Variants in USPL1 observed in about 807,000 individuals in gnomAD.
The protein encoded by USPL1 is ubiquitin specific peptidase like 1, also known as SUMO-specific isopeptidase USPL1.
A neutral mutation model predicts 51.5 loss-of-function variants in USPL1; 27 were observed. That is an observed-to-expected ratio of 0.52 (90% CI 0.39 to 0.72). The LOEUF (loss-of-function observed/expected upper bound fraction) is 0.72, where lower values mean the gene tolerates loss of function less well. Ranked by LOEUF, USPL1 falls within the 30% of genes least tolerant of loss-of-function variation. The pLI is 0.00. For synonymous variants in USPL1, 451 were observed against 459.6 expected, an observed-to-expected ratio of 0.98 and a Z score of 0.24; for missense variants, 1,226 against 1,268.0, an observed-to-expected ratio of 0.97 and a Z score of 0.50.
In USPL1 at chr13:30,635,356, T is replaced by C. The variant is rs534840449; in HGVS notation, c.869-2388T>C. ...TGTGTGGTATGAGGTAAGGATCCAT[T>C]TTTTTCCCATTTGCATAGCCAGTTT... On this transcript the variant is annotated intron_variant, in intron 4 of 8. Coordinates refer to ENST00000255304, the MANE Select transcript of USPL1 (RefSeq NM_005800.5). 5.3e-5 allele frequency among the ~76,000 whole-genome samples: 8 copies of C among 152,314 alleles called. No homozygotes were observed. In the East Asian group the frequency reaches 1.3e-3, roughly 26 times the overall value.
intron 7 of USPL1, among the ~76,000 whole-genome samples, chr13:30,651,502 G>A (rs573180014): frequency 3.9e-5 from 6 of 152,290 alleles, no homozygotes; most frequent in South Asian, 2.1e-4. Flanking sequence ...TTTTACATGC[G>A]TTATTTATCA....
intron 1 of USPL1, among the ~76,000 whole-genome samples, chr13:30,619,277 T>C (rs751753959): frequency 2.0e-5 from 3 of 152,190 alleles, no homozygotes; most frequent in Non-Finnish European, 2.9e-5. Flanking sequence ...GTCCCTCATA[T>C]GGACAAATAA....
Position 30,659,428 on chromosome 13 carries a change from G to T in USPL1, c.*72G>T. The stretch of plus-strand genomic sequence containing the variant: ...AGAACTTACAATGTGTTCAGGTAGT[G>T]TTTATACACTGGACTTGTGTAATTA... On this transcript the variant is annotated 3_prime_UTR_variant, in exon 9 of 9. Coordinates refer to ENST00000255304, the MANE Select transcript of USPL1 (RefSeq NM_005800.5). 1 of 1,293,168 alleles carries T rather than the reference G, an allele frequency of 7.7e-7. No individual in the cohort carries two copies. 80.1% of individuals were successfully genotyped at this position (1,293,168 alleles called of 1,614,324 possible).
At chr13:30,625,236 A>G (rs541804923) in intron 3 of USPL1, among the ~76,000 whole-genome samples, 2 of 152,270 alleles carry the variant, frequency 1.3e-5, no homozygotes, top group South Asian at 4.1e-4. Context: ...GGTTGGAAAG[A>G]GGAATCAAGG....
intron 6 of USPL1, 84 bp downstream of exon 6, chr13:30,642,841 A>T: frequency 6.7e-7 from 1 of 1,493,978 alleles, no homozygotes; most frequent in East Asian, 2.3e-5. Context: ...ACCAGACACT[A>T]CAGTTTGCTT....
chr13:30,634,818 T>C (rs1176540671), intron 4 of USPL1, among the ~76,000 whole-genome samples: 1 of 152,242 alleles, frequency 6.6e-6, no homozygotes, highest in African/African-American at 2.4e-5. Context: ...ATAGTGTATA[T>C]AAGAGGTCTT....
At chr13:30,621,365 G>A in intron 2 of USPL1, 126 bp downstream of exon 2, 4 of 659,706 alleles carry the variant, frequency 6.1e-6, no homozygotes, top group Non-Finnish European at 1.0e-5. Flanking sequence ...AAATCTTACA[G>A]TAATGGCGAA....
chr13:30,652,998 A>G, intron 7 of USPL1, 150 bp from the exon 8 acceptor site: 1 of 666,186 alleles, frequency 1.5e-6, no homozygotes, highest in Non-Finnish European at 2.5e-6. Context: ...TCCATTTCTA[A>G]TTAAGGCACA....
At position 30,631,207 on chromosome 13, in the gene USPL1, C is replaced by G. The variant is rs1419361202; in HGVS notation, c.601C>G (p.Pro201Ala). 3 of 1,614,132 alleles carry G rather than the reference C, an allele frequency of 1.9e-6. No homozygotes were observed. In the Admixed American group the frequency reaches 5.0e-5, roughly 27 times the overall value. Residue 201 changes from proline to alanine, a missense_variant, in exon 4 of 9, where the codon CCT becomes GCT. Physicochemically the swap from Pro to Ala is conservative, Grantham distance 27. Coordinates refer to ENST00000255304, the MANE Select transcript of USPL1 (RefSeq NM_005800.5). Reference protein sequence around the residue: ...VDVSGTGRPSPQNEGCTSKLE... With the variant: ...VDVSGTGRPSAQNEGCTSKLE... ...TGTCTCTGGAACTGGCAGACCTTCC[C>G]CTCAAAATGAAGGATGTACATCTAA...
At chr13:30,647,346 C>G (rs1951031646) in intron 7 of USPL1, among the ~76,000 whole-genome samples, 1 of 152,072 alleles carries the variant, frequency 6.6e-6, no homozygotes, top group Non-Finnish European at 1.5e-5. Context: ...GTTTTTCTCT[C>G]CTCTGCCAAG....
At chr13:30,641,959 T>C (rs1950953445) in intron 5 of USPL1, among the ~76,000 whole-genome samples, 1 of 152,072 alleles carries the variant, frequency 6.6e-6, no homozygotes, top group African/African-American at 2.4e-5. Flanking sequence ...CAGGCTGGTA[T>C]GCAGCGGCAT....
At chr13:30,643,597 T>TCCCCCCCCCCC (rs201886838) in intron 6 of USPL1, among the ~76,000 whole-genome samples, 1 of 86,972 alleles carries the variant, frequency 1.1e-5, no homozygotes, top group Admixed American at 1.0e-4. Context: ...AATAACTCTT[T>TCCCCCCCCCCC]CCACCCCCCC....
chr13:30,637,903 T>G, intron 5 of USPL1, 46 bp downstream of exon 5: 1 of 1,303,274 alleles, frequency 7.7e-7, no homozygotes, highest in South Asian at 1.2e-5. Flanking sequence ...ATCTACCATA[T>G]AGAAATATGT....
chr13:30,658,011 T>C lies in USPL1; in HGVS notation c.1934T>C (p.Ile645Thr), dbSNP rs1314444331. ...SVSAPCNEKLIQDQFVDISFP... is the reference protein window; with the variant it reads ...SVSAPCNEKLTQDQFVDISFP... Reference sequence around the variant, plus strand: ...TCAGCTCCATGTAATGAAAAGCTTATTCAAGACCAATTTGTGGACATAAGT... The same window carrying C: ...TCAGCTCCATGTAATGAAAAGCTTACTCAAGACCAATTTGTGGACATAAGT... Residue 645 changes from isoleucine to threonine, a missense_variant, in exon 9 of 9, where the codon ATT becomes ACT. By Grantham distance (89) the Ile-to-Thr change is moderately conservative. Transcript: ENST00000255304. The C allele has an allele frequency of 6.2e-7, 1 of 1,613,464 alleles. No individual in the cohort carries two copies. The highest frequency in any genetic ancestry group is 8.5e-7 in the Non-Finnish European group (1 of 1,179,982).
intron 6 of USPL1, among the ~76,000 whole-genome samples, chr13:30,643,300 A>G (rs1057282540): frequency 3.9e-5 from 6 of 152,184 alleles, no homozygotes; most frequent in African/African-American, 1.4e-4. Flanking sequence ...GGCTTTGCAT[A>G]AGGTGTATAT....
Position 30,660,079 on chromosome 13 carries a change from C to T in USPL1, c.*723C>T, listed in dbSNP as rs1220436274. On this transcript the variant is annotated 3_prime_UTR_variant, in exon 9 of 9. Transcript: ENST00000255304. ...TCTATCCATAGGCAGGTTGTTCTGC[C>T]GTCTCTACAGGTCTCTGAAGCTCTT... The T allele has an allele frequency of 3.3e-5, 5 of 152,244 alleles. No individual in the cohort carries two copies. Among genetic ancestry groups the T allele is most frequent in the Admixed American group, 6.5e-5 (1 of 15,282 alleles). 9.4% of individuals were successfully genotyped at this position (152,244 alleles called of 1,614,324 possible).
chr13:30,619,879 A>ACC (rs1202884982), intron 1 of USPL1, among the ~76,000 whole-genome samples: 1 of 152,152 alleles, frequency 6.6e-6, no homozygotes, highest in Non-Finnish European at 1.5e-5. Context: ...GATTTTGCTT[A>ACC]CCAGGGGACA....
intron 3 of USPL1, among the ~76,000 whole-genome samples, chr13:30,622,826 T>C (rs1035499183): frequency 7.2e-5 from 11 of 152,192 alleles, no homozygotes; most frequent in African/African-American, 1.7e-4. Context: ...TAGATACTTA[T>C]GCTGGGTATA....
rs1566062433 is a variant in USPL1, at chr13:30,658,291, A to G, written c.2214A>G (p.Thr738=). ...CTACAGCAGATTCTCAAACCACAAC[A>G]TCTAAGTCATTACAGAATCAGTCTC... ...KETTADSQTT[T]SKSLQNQSLK... Residue 738 remains threonine (T), a synonymous_variant, in exon 9 of 9, where the codon ACA becomes ACG. Coordinates refer to ENST00000255304, the MANE Select transcript of USPL1 (RefSeq NM_005800.5). The G allele has an allele frequency of 6.2e-7, 1 of 1,613,866 alleles. No homozygotes were observed. Among genetic ancestry groups the G allele is most frequent in the Non-Finnish European group, 8.5e-7 (1 of 1,180,026 alleles).
Sources: gnomAD v4.1 joint callset for allele counts (sites outside exome capture counted in the v4.1 genomes callset) on GRCh38, gnomAD v4.1.1 for gene constraint, MANE v1.5 for transcripts, NCBI Gene and HGNC (gene_info 2026-07-23, HGNC 2026-07-21) for gene names.